MIGA1: variants seen among roughly 807,000 people sequenced by gnomAD.
MIGA1 encodes the protein family with sequence similarity 73, member A.
In MIGA1, 58 loss-of-function variants were observed where a neutral mutation model predicts 82.0. That is an observed-to-expected ratio of 0.71 (90% CI 0.57 to 0.88). The LOEUF is 0.88. Among genes scored for constraint, MIGA1 ranks in the 40% least tolerant of loss-of-function variants. The pLI is 0.00. For synonymous variants in MIGA1, 249 were observed against 253.6 expected, an observed-to-expected ratio of 0.98 and a Z score of 0.17; for missense variants, 751 against 749.1, an observed-to-expected ratio of 1.00 and a Z score of -0.03.
intron 12 of MIGA1, 115 bp from the exon 13 acceptor site, chr1:77,863,779 T>C: frequency 2.9e-6 from 2 of 696,212 alleles, no homozygotes; most frequent in Admixed American, 7.9e-5. Flanking sequence ...TTTTTATTTT[T>C]GAATAAGCTG....
At chr1:77,790,606 A>G (rs1682375038) in intron 2 of MIGA1, among the ~76,000 whole-genome samples, 1 of 135,508 alleles carries the variant, frequency 7.4e-6, no homozygotes, top group African/African-American at 2.8e-5. Flanking sequence ...TTTTTTTGAG[A>G]CAGAGTTTTG....
At chr1:77,844,113 A>AAAAATATATATATAT (rs1296124524) in intron 8 of MIGA1, among the ~76,000 whole-genome samples, 7 of 90,136 alleles carry the variant, frequency 7.8e-5, no homozygotes, top group African/African-American at 3.2e-4. Context: ...AAAAAAAAAA[A>AAAAATATATATATAT]ATATATATAT....
At position 77,878,930 on chromosome 1, in the gene MIGA1, A is replaced by C. The variant is rs1412494633; in HGVS notation, c.*3866A>C. ...ATTTGTTGAATTAAATGCCTTTATAAAAATATTTACAAATGTTTTCTTGCC... is the reference window on the plus strand; with the variant it reads ...ATTTGTTGAATTAAATGCCTTTATACAAATATTTACAAATGTTTTCTTGCC... On this transcript the variant is annotated 3_prime_UTR_variant, in exon 16 of 16. Transcript: ENST00000370791. The C allele has an allele frequency of 3.0e-6, 1 of 329,528 alleles. No individual in the cohort carries two copies. The highest frequency in any genetic ancestry group is 5.5e-6 in the Non-Finnish European group (1 of 181,630). The allele number at this position is 329,528 out of a possible 1,614,324, so 20.4% of individuals were successfully genotyped here. A position where few individuals can be genotyped will look rare whatever the true frequency, so the allele number is the denominator to read the frequency against.
rs1682869213 is a variant in MIGA1 at position 77,801,267 on chromosome 1, A to G, written c.196-64A>G. The G allele has an allele frequency of 4.2e-6, 5 of 1,181,410 alleles. No individual in the cohort carries two copies. The South Asian group carries it at 8.1e-5, about 19-fold the overall frequency. The allele number at this position is 1,181,410 out of a possible 1,614,324, so 73.2% of individuals were successfully genotyped here. A position where few individuals can be genotyped will look rare whatever the true frequency, so the allele number is the denominator to read the frequency against. On this transcript the variant is annotated intron_variant, in intron 2 of 15. Coordinates refer to ENST00000370791, the MANE Select transcript of MIGA1 (RefSeq NM_198549.4). The stretch of plus-strand genomic sequence containing the variant: ...TAGATTAAGAGTAAGTTTAGTTATT[A>G]GGTCCTTCTTTTAAGTGAACAAATT...
intron 2 of MIGA1, among the ~76,000 whole-genome samples, chr1:77,790,277 A>G (rs1682358852): frequency 6.6e-6 from 1 of 151,896 alleles, no homozygotes; most frequent in Non-Finnish European, 1.5e-5. Flanking sequence ...TTATAATCAC[A>G]CTCACACCTT....
intron 2 of MIGA1, among the ~76,000 whole-genome samples, chr1:77,795,360 T>G (rs1682609266): frequency 1.3e-5 from 2 of 152,070 alleles, no homozygotes; most frequent in African/African-American, 4.8e-5. Context: ...TTTTCTTTTT[T>G]TTTTTGAGAT....
chr1:77,809,903 A>G (rs986202682), intron 5 of MIGA1, among the ~76,000 whole-genome samples: 2 of 151,306 alleles, frequency 1.3e-5, no homozygotes, highest in African/African-American at 4.9e-5. Flanking sequence ...ATCTACCTAT[A>G]TAAAAAAAAT....
rs764992246 is a variant in MIGA1 at position 77,864,627 on chromosome 1, GAT to G, written c.1509+600_1509+601del. Among the ~76,000 whole-genome samples the G allele has an allele frequency of 3.9e-5, 6 of 152,326 alleles. No homozygotes were observed. The South Asian group carries it at 8.3e-4, about 21-fold the overall frequency. ...GGAGGCAGAGGTTGCAGTAAGCCGA[GAT>G]CGTGCCGCTGCACTCCAGCCTGGAC... On this transcript the variant is annotated intron_variant, in intron 13 of 15. Transcript: ENST00000370791.
chr1:77,832,480 G>A (rs1347870678), intron 7 of MIGA1, among the ~76,000 whole-genome samples: 1 of 152,200 alleles, frequency 6.6e-6, no homozygotes, highest in Non-Finnish European at 1.5e-5. Flanking sequence ...TTTATAAAGT[G>A]CTATGGGAAC....
chr1:77,842,348 T>A (rs1018182397), intron 7 of MIGA1, among the ~76,000 whole-genome samples: 17 of 152,218 alleles, frequency 1.1e-4, no homozygotes, highest in African/African-American at 3.9e-4. Flanking sequence ...TAACAGCCTG[T>A]CTTGATAGGG....
At position 77,876,963 on chromosome 1, in the gene MIGA1, A is replaced by G. The variant is rs901558970; in HGVS notation, c.*1899A>G. 1 of 152,148 alleles carries G rather than the reference A, an allele frequency of 6.6e-6. No individual in the cohort carries two copies. Among genetic ancestry groups the G allele is most frequent in the African/African-American group, 2.4e-5 (1 of 41,436 alleles). The allele number at this position is 152,148 out of a possible 1,614,324, so 9.4% of individuals were successfully genotyped here. A position where few individuals can be genotyped will look rare whatever the true frequency, so the allele number is the denominator to read the frequency against. On this transcript the variant is annotated 3_prime_UTR_variant, in exon 16 of 16. Coordinates refer to ENST00000370791, the MANE Select transcript of MIGA1 (RefSeq NM_198549.4). ...TGATTTTGCCCCTAAAACGGGCTTTAGTCATTTTAGGAGTGAGTTGCACAA... is the reference window on the plus strand; with the variant it reads ...TGATTTTGCCCCTAAAACGGGCTTTGGTCATTTTAGGAGTGAGTTGCACAA...
At chr1:77,816,794 G>A (rs139428212) in intron 7 of MIGA1, among the ~76,000 whole-genome samples, 4 of 152,196 alleles carry the variant, frequency 2.6e-5, no homozygotes, top group African/African-American at 4.8e-5. Context: ...TAATTAGAAC[G>A]TCATTTGTGA....
intron 8 of MIGA1, among the ~76,000 whole-genome samples, chr1:77,851,023 C>A (rs1342757744): frequency 6.6e-6 from 1 of 152,198 alleles, no homozygotes; most frequent in African/African-American, 2.4e-5. Flanking sequence ...GCACCTGCCA[C>A]CACACCCAGC....
chr1:77,787,501 G>T (rs956866694), intron 2 of MIGA1, among the ~76,000 whole-genome samples: 2 of 149,676 alleles, frequency 1.3e-5, no homozygotes, highest in Non-Finnish European at 3.0e-5. Flanking sequence ...AATTCTCCCT[G>T]CCTTAGCCTC....
chr1:77,804,601 T>C (rs779033003), intron 4 of MIGA1, among the ~76,000 whole-genome samples: 7 of 151,836 alleles, frequency 4.6e-5, no homozygotes, highest in African/African-American at 1.7e-4. Context: ...TTCCCCGCCA[T>C]GGAGATAAAC....
chr1:77,843,194 C>T, intron 7 of MIGA1, 113 bp from the exon 8 acceptor site: 1 of 632,642 alleles, frequency 1.6e-6, no homozygotes, highest in Non-Finnish European at 2.7e-6. Flanking sequence ...TTCTTTTTGA[C>T]ACTAGTAGTC....
chr1:77,847,243 C>T, intron 8 of MIGA1: 1 of 1,051,290 alleles, frequency 9.5e-7, no homozygotes, highest in Middle Eastern at 2.1e-4. Context: ...TGAAAGCCTT[C>T]AGAGGGAAGC....
intron 7 of MIGA1, among the ~76,000 whole-genome samples, chr1:77,823,104 G>A (rs1683890102): frequency 6.6e-6 from 1 of 151,580 alleles, no homozygotes; most frequent in African/African-American, 2.4e-5. Flanking sequence ...GCCTCCCAAA[G>A]TGCTGGAATT....
intron 8 of MIGA1, chr1:77,847,216 G>A: frequency 1.7e-6 from 2 of 1,178,608 alleles, no homozygotes; most frequent in Non-Finnish European, 2.6e-6. Context: ...TGATGATGAT[G>A]ATGAGACCTC....
Sources: gnomAD v4.1 joint callset for allele counts (sites outside exome capture counted in the v4.1 genomes callset) on GRCh38, gnomAD v4.1.1 for gene constraint, MANE v1.5 for transcripts, NCBI Gene and HGNC (gene_info 2026-07-23, HGNC 2026-07-21) for gene names.